Variants in FBXW10B observed in about 807,000 individuals in gnomAD.
The protein encoded by FBXW10B is F-box and WD repeat domain containing 10B.
the FBXW10B span, among the ~76,000 whole-genome samples, chr17:15,584,917 A>C: frequency 1.3e-5 from 2 of 151,902 alleles, no homozygotes; most frequent in Non-Finnish European, 2.9e-5. Flanking sequence ...ATATCTTTGA[A>C]TCCAACTGGC....
the FBXW10B span, among the ~76,000 whole-genome samples, chr17:15,570,060 T>C: frequency 6.6e-6 from 1 of 152,234 alleles, no homozygotes; most frequent in Admixed American, 6.5e-5. Context: ...GAAAAATTCT[T>C]GCTATCGTGG....
chr17:15,591,692 TTTTG>T, the FBXW10B span, among the ~76,000 whole-genome samples: 24,861 of 151,562 alleles, frequency 0.16, 2,253 homozygotes, highest in East Asian at 0.3. Flanking sequence ...AATTCAGTGT[TTTTG>T]TTTGTTTGTT....
At chr17:15,582,117 G>C in the FBXW10B span, among the ~76,000 whole-genome samples, 3 of 150,178 alleles carry the variant, frequency 2.0e-5, no homozygotes, top group Admixed American at 1.3e-4. Flanking sequence ...TCCAGGCTTG[G>C]GATGCTTTCA....
the FBXW10B span, among the ~76,000 whole-genome samples, chr17:15,591,350 T>C: frequency 6.6e-6 from 1 of 152,146 alleles, no homozygotes; most frequent in African/African-American, 2.4e-5. Flanking sequence ...AGTGCAGTGG[T>C]GCGATCTCGG....
At chr17:15,607,654 C>T in the FBXW10B span, 1 of 1,613,656 alleles carries the variant, frequency 6.2e-7, no homozygotes, top group Non-Finnish European at 8.5e-7. Flanking sequence ...TTTCCTCGTT[C>T]TGGTATGCAG....
At chr17:15,569,920 A>ATTTG in the FBXW10B span, among the ~76,000 whole-genome samples, 4 of 152,014 alleles carry the variant, frequency 2.6e-5, no homozygotes, top group Non-Finnish European at 2.9e-5. Context: ...CAATGGCATT[A>ATTTG]TTTGTTTGTT....
the FBXW10B span, among the ~76,000 whole-genome samples, chr17:15,580,477 C>T: frequency 5.0e-5 from 7 of 139,188 alleles, no homozygotes; most frequent in African/African-American, 1.5e-4. Context: ...TTCAATATAC[C>T]ACTTTTTGTA....
chr17:15,597,099 T>C, the FBXW10B span, among the ~76,000 whole-genome samples: 1 of 151,972 alleles, frequency 6.6e-6, no homozygotes. Context: ...TGTTGTCATT[T>C]TTCCCAGATG....
At chr17:15,591,627 G>A in the FBXW10B span, among the ~76,000 whole-genome samples, 1 of 152,204 alleles carries the variant, frequency 6.6e-6, no homozygotes, top group East Asian at 1.9e-4. Context: ...TGTTCCTGGA[G>A]TGAGTGCCAT....
chr17:15,574,238 G>C, the FBXW10B span: 1 of 668,100 alleles, frequency 1.5e-6, no homozygotes, highest in African/African-American at 1.8e-5. Context: ...TGTGTCTGAG[G>C]TATCACTTAT....
At chr17:15,590,848 T>C in the FBXW10B span, among the ~76,000 whole-genome samples, 8 of 152,226 alleles carry the variant, frequency 5.3e-5, no homozygotes, top group Admixed American at 2.0e-4. Context: ...GCCTATCTGA[T>C]GGAGACACCC....
chr17:15,618,773 T>G, the FBXW10B span, among the ~76,000 whole-genome samples: 4 of 152,200 alleles, frequency 2.6e-5, no homozygotes. Flanking sequence ...GAGTTAAAAG[T>G]TGTGTACTTC....
At chr17:15,588,919 G>A in the FBXW10B span, 11 of 1,613,996 alleles carry the variant, frequency 6.8e-6, no homozygotes, top group East Asian at 2.5e-4. Flanking sequence ...GACCTTGGGG[G>A]TGAATCCACT....
the FBXW10B span, among the ~76,000 whole-genome samples, chr17:15,569,622 G>T: frequency 6.6e-6 from 1 of 151,694 alleles, no homozygotes; most frequent in African/African-American, 2.4e-5. Flanking sequence ...GCTGGGCCTA[G>T]GTAATTTTTT....
At chr17:15,566,326 C>T in the FBXW10B span, 1 of 1,474,558 alleles carries the variant, frequency 6.8e-7, no homozygotes, top group South Asian at 1.2e-5. Flanking sequence ...TTCCAATTGT[C>T]CTTGTTTTTG....
At chr17:15,573,357 C>T in the FBXW10B span, 1 of 152,198 alleles carries the variant, frequency 6.6e-6, no homozygotes, top group African/African-American at 2.4e-5. Context: ...GAATTCTCCA[C>T]CTCTCCTCTA....
the FBXW10B span, chr17:15,612,634 T>G: frequency 6.2e-7 from 1 of 1,608,104 alleles, no homozygotes; most frequent in African/African-American, 1.3e-5. Flanking sequence ...AGTCTGGACC[T>G]CAGCCTTCAA....
At chr17:15,597,623 C>T in the FBXW10B span, among the ~76,000 whole-genome samples, 1 of 151,782 alleles carries the variant, frequency 6.6e-6, no homozygotes, top group East Asian at 1.9e-4. Context: ...CAGAGCAAGA[C>T]TCCATCTCAA....
the FBXW10B span, among the ~76,000 whole-genome samples, chr17:15,594,064 C>CT: frequency 4.0e-5 from 6 of 149,910 alleles, no homozygotes; most frequent in South Asian, 2.1e-4. Context: ...ATGTCACAAT[C>CT]TTTTTTTTTT....
Sources: allele counts gnomAD v4.1 joint callset (sites outside exome capture counted in the v4.1 genomes callset), GRCh38; gene constraint gnomAD v4.1.1; transcripts MANE v1.5; gene names NCBI Gene and HGNC (gene_info 2026-07-23, HGNC 2026-07-21).